The following STON1 variants were observed in gnomAD, a reference collection of about 807,000 sequenced individuals.
STON1 encodes the protein stonin-1.
Under a neutral mutation model 60.9 loss-of-function variants are expected in STON1, and 79 were observed. The observed-to-expected ratio is 1.30, with a 90% CI of 1.08 to 1.56. The LOEUF (loss-of-function observed/expected upper bound fraction) is 1.56, where lower values mean the gene tolerates loss of function less well. Among genes scored for constraint, STON1 ranks in the 40% most tolerant of loss-of-function variants. STON1 has a pLI of 0.00. For missense variants in STON1, 1,166 were observed against 858.9 expected (o/e 1.36, Z -4.47); for synonymous variants, 363 against 306.9 (o/e 1.18, Z -1.91).
rs944879096 is a variant in STON1, at chr2:48,598,409, A to G, written c.*3107A>G. ...TGTCTTACTTAAAATACAGTTTTGT[A>G]TTCTGTCAATGCAAATATAAGACAG... On this transcript the variant is annotated 3_prime_UTR_variant, in exon 4 of 4. Transcript: ENST00000404752. 2.0e-5 allele frequency: 3 copies of G among 152,644 alleles called. No individual in the cohort carries two copies. The highest frequency in any genetic ancestry group is 7.2e-5 in the African/African-American group (3 of 41,462). The allele number at this position is 152,644 out of a possible 1,614,324, so 9.5% of individuals were successfully genotyped here. A position where few individuals can be genotyped will look rare whatever the true frequency, so the allele number is the denominator to read the frequency against.
Position 48,554,714 on chromosome 2 carries a change from T to TATTTATTTA in STON1, c.-48+24498_-48+24499insATTTATTTA, listed in dbSNP as rs1553357117. 8.4e-3 allele frequency among the ~76,000 whole-genome samples: 511 copies of TATTTATTTA among 60,492 alleles called. 59 individuals carry two copies. Among genetic ancestry groups the TATTTATTTA allele is most frequent in the African/African-American group, 0.027 (487 of 17,880 alleles). The allele number at this position is 60,492 out of a possible 152,430, so 39.7% of individuals were successfully genotyped here. On this transcript the variant is annotated intron_variant, in intron 1 of 3. Transcript: ENST00000404752. ...TCAAACTTTAAGTGCAAAATTTTTT[T>TATTTATTTA]TTTTTTTTTTTATTTATTTATTTAT...
intron 1 of STON1, among the ~76,000 whole-genome samples, chr2:48,544,926 C>G (rs533335983): frequency 6.6e-6 from 1 of 152,270 alleles, no homozygotes; most frequent in Admixed American, 6.5e-5. Context: ...ATTTTAATCT[C>G]AATCCTTTGC....
rs368758176 is a variant in STON1 at position 48,582,527 on chromosome 2, G to A, written c.1894G>A (p.Val632Ile). 23 of 1,613,710 alleles carry A rather than the reference G, an allele frequency of 1.4e-5. No individual in the cohort carries two copies. Among genetic ancestry groups the A allele is most frequent in the African/African-American group, 2.7e-5 (2 of 74,908 alleles). ...AKYESAYQAV[V>I]WKIDRLPDKN... ...ATATGAGAGTGCCTACCAGGCAGTG[G>A]TATGGAAGATAGATCGGCTTCCAGA... is the stretch of plus-strand genomic sequence containing the variant. The change falls in exon 2 of 4, where the codon GTA becomes ATA. Residue 632 changes from valine to isoleucine, a missense_variant. Val to Ile is a conservative substitution (Grantham distance 29). Transcript: ENST00000404752.
chr2:48,553,266 C>T (rs1672175633), intron 1 of STON1, among the ~76,000 whole-genome samples: 1 of 152,136 alleles, frequency 6.6e-6, no homozygotes, highest in Non-Finnish European at 1.5e-5. Context: ...GATATTGTTG[C>T]TGTGCCTTGG....
At position 48,573,017 on chromosome 2, in the gene STON1, C is replaced by T. The variant is rs77910395; in HGVS notation, c.-47-7570C>T. ...GCAGCAAATGACAACAGTGAGTGCT[C>T]TGTCCCTAGCGGAGCCCCAGGCCCT... On this transcript the variant is annotated intron_variant, in intron 1 of 3. Transcript: ENST00000404752. 5.1e-3 allele frequency among the ~76,000 whole-genome samples: 778 copies of T among 152,342 alleles called. 8 individuals are homozygous for T. The highest frequency in any genetic ancestry group is 0.018 in the African/African-American group (731 of 41,580).
chr2:48,590,640 C>CACACACACACACACACACACACAA (rs1674457863), intron 2 of STON1, among the ~76,000 whole-genome samples: 1 of 151,728 alleles, frequency 6.6e-6, no homozygotes, highest in Non-Finnish European at 1.5e-5. Context: ...CCTTATAACA[C>CACACACACACACACACACACACAA]ACACACACAC....
At chr2:48,541,845 C>A (rs115766962) in intron 1 of STON1, among the ~76,000 whole-genome samples, 1 of 152,258 alleles carries the variant, frequency 6.6e-6, no homozygotes, top group African/African-American at 2.4e-5. Context: ...CCGTGTGCCA[C>A]TGCCACCATC....
chr2:48,559,173 G>A (rs1453117661), intron 1 of STON1, among the ~76,000 whole-genome samples: 2 of 152,142 alleles, frequency 1.3e-5, no homozygotes, highest in Non-Finnish European at 2.9e-5. Context: ...TCTCCCCCAT[G>A]TACCTGGCAT....
In STON1 at chr2:48,547,756, G is replaced by A. The variant is rs138829311; in HGVS notation, c.-48+17540G>A. 3.6e-3 allele frequency among the ~76,000 whole-genome samples: 555 copies of A among 152,290 alleles called. 3 individuals carry two copies. The highest frequency in any genetic ancestry group is 0.012 in the African/African-American group (512 of 41,552). On this transcript the variant is annotated intron_variant, in intron 1 of 3. Transcript: ENST00000404752. ...GTCTCCCGGAGCATAGATAGAAGCC[G>A]GGAGGAGGTTAATTTGCGGTTAATA...
At chr2:48,539,472 G>A (rs966155738) in intron 1 of STON1, among the ~76,000 whole-genome samples, 2 of 151,958 alleles carry the variant, frequency 1.3e-5, no homozygotes, top group African/African-American at 2.4e-5. Context: ...CATCATGCAA[G>A]TTTTAACCCA....
At chr2:48,589,318 A>G (rs1371792504) in intron 2 of STON1, among the ~76,000 whole-genome samples, 5 of 152,298 alleles carry the variant, frequency 3.3e-5, no homozygotes, top group Non-Finnish European at 1.5e-5. Context: ...CCGTCCTAAG[A>G]AAAGGAATTA....
chr2:48,563,786 C>G (rs996859666), intron 1 of STON1, among the ~76,000 whole-genome samples: 9 of 151,998 alleles, frequency 5.9e-5, no homozygotes, highest in African/African-American at 2.2e-4. Context: ...GTCAACCTTC[C>G]AGGTTCAAGC....
intron 1 of STON1, chr2:48,530,499 CA>C: frequency 1.9e-5 from 3 of 155,978 alleles, no homozygotes; most frequent in Non-Finnish European, 4.2e-5. Flanking sequence ...ACTCAAACAG[CA>C]AAAAAAGGAA....
intron 2 of STON1, among the ~76,000 whole-genome samples, chr2:48,589,754 C>A (rs570130798): frequency 2.6e-5 from 4 of 152,248 alleles, no homozygotes; most frequent in Admixed American, 1.3e-4. Flanking sequence ...CAAATCAGAT[C>A]ATGTGTAGTA....
At position 48,564,580 on chromosome 2, in the gene STON1, TCCTCCTCCTCCTCCTCCTC is replaced by T. The variant is rs1558605889; in HGVS notation, c.-47-16005_-47-15987del. 1.7e-4 allele frequency among the ~76,000 whole-genome samples: 10 copies of T among 57,530 alleles called. 1 individual carries two copies. The highest frequency in any genetic ancestry group is 3.9e-4 in the Non-Finnish European group (10 of 25,336). The allele number at this position is 57,530 out of a possible 152,430, so 37.7% of individuals were successfully genotyped here. On this transcript the variant is annotated intron_variant, in intron 1 of 3. Coordinates refer to ENST00000404752, the MANE Select transcript of STON1 (RefSeq NM_006873.4). Reference sequence around the variant, plus strand: ...CTTCTTCTTCTTCTCCTTCTCCTTCTCCTCCTCCTCCTCCTCCTCCTCCTTCTCCTTCTCCTTCTCCTTC... The same window carrying T: ...CTTCTTCTTCTTCTCCTTCTCCTTCTCTCCTTCTCCTTCTCCTTCTCCTTC...
chr2:48,572,435 G>A (rs991987376), intron 1 of STON1, among the ~76,000 whole-genome samples: 1 of 152,198 alleles, frequency 6.6e-6, no homozygotes, highest in African/African-American at 2.4e-5. Flanking sequence ...GGGGGTAGGA[G>A]TGCACTTTGC....
At position 48,581,029 on chromosome 2, in the gene STON1, C is replaced by A; in HGVS notation, c.396C>A (p.Ser132=). 6.4e-7 allele frequency: 1 copy of A among 1,574,150 alleles called. No homozygotes were observed. The highest frequency in any genetic ancestry group is 2.2e-5 in the East Asian group (1 of 44,584). ...SLLPTRPTCL[S]HALLPSDHSC... The stretch of plus-strand genomic sequence containing the variant: ...TGCCTACCAGACCAACATGTTTATC[C>A]CATGCCTTGTTACCCAGTGACCACT... Residue 132 remains serine (S), a synonymous_variant, in exon 2 of 4, where the codon TCC becomes TCA. Coordinates refer to ENST00000404752, the MANE Select transcript of STON1 (RefSeq NM_006873.4).
chr2:48,590,651 A>ACACACACACACACACACACACACACACC (rs1674459449), intron 2 of STON1, among the ~76,000 whole-genome samples: 1 of 151,944 alleles, frequency 6.6e-6, no homozygotes, highest in South Asian at 2.1e-4. Context: ...ACACACACAC[A>ACACACACACACACACACACACACACACC]CACACACACT....
At chr2:48,536,458 G>A (rs1360464921) in intron 1 of STON1, among the ~76,000 whole-genome samples, 3 of 149,142 alleles carry the variant, frequency 2.0e-5, no homozygotes, top group African/African-American at 7.4e-5. Flanking sequence ...TGATGCAGGA[G>A]AATAGCTTGA....
Sources: gnomAD v4.1 joint callset for allele counts (sites outside exome capture counted in the v4.1 genomes callset) on GRCh38, gnomAD v4.1.1 for gene constraint, MANE v1.5 for transcripts, NCBI Gene and HGNC (gene_info 2026-07-23, HGNC 2026-07-21) for gene names.